CMIP: variants seen among roughly 807,000 people sequenced by gnomAD.
The protein encoded by CMIP is c-Maf inducing protein.
Under a neutral mutation model 97.3 loss-of-function variants are expected in CMIP, and 13 were observed. The observed-to-expected ratio is 0.13, with a 90% CI of 0.09 to 0.21. The LOEUF (loss-of-function observed/expected upper bound fraction) is 0.21. Ranked by LOEUF, CMIP falls within the 10% of genes least tolerant of loss-of-function variation. The pLI, the probability that CMIP is intolerant of heterozygous loss-of-function variation, is 1.00. For missense variants in CMIP, 847 were observed against 1,024.9 expected (o/e 0.83, Z 2.37); for synonymous variants, 538 against 436.3 (o/e 1.23, Z -2.91).
At chr16:81,485,865 C>T (rs542684071) in intron 1 of CMIP, among the ~76,000 whole-genome samples, 55 of 152,276 alleles carry the variant, frequency 3.6e-4, no homozygotes, top group Non-Finnish European at 5.1e-4. Context: ...GGTGGCACCA[C>T]GTGGCCTGCT....
At chr16:81,499,549 GC>G (rs2150775711) in intron 1 of CMIP, among the ~76,000 whole-genome samples, 1 of 152,344 alleles carries the variant, frequency 6.6e-6, no homozygotes, top group Non-Finnish European at 1.5e-5. Context: ...GCCTGTCCCG[GC>G]GCCCATGTAG....
chr16:81,493,571 C>T (rs762145110), intron 1 of CMIP, among the ~76,000 whole-genome samples: 3 of 152,242 alleles, frequency 2.0e-5, no homozygotes, highest in Non-Finnish European at 4.4e-5. Flanking sequence ...GCCAGCATGG[C>T]GCAAGCCACC....
At chr16:81,600,441 T>C (rs1004635221) in intron 1 of CMIP, among the ~76,000 whole-genome samples, 1 of 152,154 alleles carries the variant, frequency 6.6e-6, no homozygotes, top group Non-Finnish European at 1.5e-5. Flanking sequence ...ACTCATGCCA[T>C]AGCACAGATA....
chr16:81,475,803 G>T (rs547422084), intron 1 of CMIP, among the ~76,000 whole-genome samples: 1 of 152,182 alleles, frequency 6.6e-6, no homozygotes, highest in South Asian at 2.1e-4. Flanking sequence ...GGCTAACACG[G>T]TGAAATCCTG....
intron 1 of CMIP, among the ~76,000 whole-genome samples, chr16:81,487,108 G>A (rs1473384648): frequency 2.0e-5 from 3 of 152,162 alleles, no homozygotes; most frequent in African/African-American, 7.2e-5. Context: ...CTTGGCCTCT[G>A]GTCATGGGGG....
chr16:81,551,116 A>T (rs568142113), intron 1 of CMIP, among the ~76,000 whole-genome samples: 40 of 145,616 alleles, frequency 2.7e-4, no homozygotes, highest in African/African-American at 1.0e-3. Context: ...CATATATCCC[A>T]GTTCCATCAC....
At chr16:81,685,586 C>T (rs1045221201) in intron 10 of CMIP, among the ~76,000 whole-genome samples, 7 of 151,976 alleles carry the variant, frequency 4.6e-5, no homozygotes, top group African/African-American at 1.5e-4. Context: ...ACTCTGTCAC[C>T]GAGGCTGGAG....
At chr16:81,580,850 T>A (rs1487268114) in intron 1 of CMIP, among the ~76,000 whole-genome samples, 1 of 152,146 alleles carries the variant, frequency 6.6e-6, no homozygotes, top group Non-Finnish European at 1.5e-5. Context: ...TTCGCGATGT[T>A]GTGTAACTGC....
chr16:81,683,748 TTC>T (rs1491338538), intron 10 of CMIP, among the ~76,000 whole-genome samples: 5 of 148,996 alleles, frequency 3.4e-5, no homozygotes, highest in Admixed American at 6.7e-5. Context: ...TGTTTATTTT[TTC>T]TTTTTCTTTT....
At chr16:81,508,802 C>T (rs1016918029) in intron 1 of CMIP, among the ~76,000 whole-genome samples, 7 of 152,222 alleles carry the variant, frequency 4.6e-5, no homozygotes, top group African/African-American at 9.6e-5. Context: ...GAGGGACCCA[C>T]GTAGGCCCCA....
At chr16:81,526,802 G>T (rs1326381694) in intron 1 of CMIP, among the ~76,000 whole-genome samples, 1 of 152,200 alleles carries the variant, frequency 6.6e-6, no homozygotes, top group Non-Finnish European at 1.5e-5. Context: ...GCAGGTTTGC[G>T]TTTGGTTTCT....
At chr16:81,648,763 A>G (rs2092393559) in intron 3 of CMIP, among the ~76,000 whole-genome samples, 1 of 124,206 alleles carries the variant, frequency 8.1e-6, no homozygotes, top group Non-Finnish European at 1.6e-5. Context: ...AGCTTGAGTG[A>G]CAGAGCAAGA....
intron 1 of CMIP, among the ~76,000 whole-genome samples, chr16:81,504,962 T>C (rs2089681530): frequency 6.6e-6 from 1 of 152,276 alleles, no homozygotes; most frequent in African/African-American, 2.4e-5. Flanking sequence ...CTTTAGACCC[T>C]GCTCTTTTGA....
chr16:81,495,345 C>T, intron 1 of CMIP: 2 of 1,477,428 alleles, frequency 1.4e-6, no homozygotes, highest in African/African-American at 1.4e-5. Flanking sequence ...CCAGGCGACC[C>T]ACAGGCTTCT....
intron 1 of CMIP, among the ~76,000 whole-genome samples, chr16:81,457,576 C>G (rs12050950): frequency 2.6e-5 from 4 of 152,232 alleles, no homozygotes; most frequent in East Asian, 1.9e-4. Context: ...ACCCGTGATA[C>G]GTAACAAGCA....
chr16:81,693,293 G>T (rs1037409823), intron 12 of CMIP, 109 bp downstream of exon 12: 1 of 1,402,108 alleles, frequency 7.1e-7, no homozygotes, highest in Non-Finnish European at 9.9e-7. Flanking sequence ...GCTCCTCTTG[G>T]CAGTTCTCTT....
At chr16:81,620,793 G>A in intron 2 of CMIP, 83 bp from the exon 3 acceptor site, 1 of 1,525,048 alleles carries the variant, frequency 6.6e-7, no homozygotes, top group Non-Finnish European at 9.1e-7. Context: ...AGCAGGCTTG[G>A]GGGCTCACAT....
At chr16:81,515,883 C>G (rs1314786342) in intron 1 of CMIP, among the ~76,000 whole-genome samples, 1 of 152,162 alleles carries the variant, frequency 6.6e-6, no homozygotes. Context: ...GTTTCTACCT[C>G]CCTCAGTCTC....
At chr16:81,622,870 C>G (rs1185948280) in intron 3 of CMIP, among the ~76,000 whole-genome samples, 1 of 152,162 alleles carries the variant, frequency 6.6e-6, no homozygotes, top group Non-Finnish European at 1.5e-5. Context: ...GAGGCTTTGG[C>G]TAGAAAGATG....
Sources: allele counts gnomAD v4.1 joint callset (sites outside exome capture counted in the v4.1 genomes callset), GRCh38; gene constraint gnomAD v4.1.1; transcripts MANE v1.5; gene names NCBI Gene and HGNC (gene_info 2026-07-23, HGNC 2026-07-21).